Variants in ALMS1 observed in about 807,000 individuals in gnomAD.
ALMS1 encodes centrosome-associated protein ALMS1.
Under a neutral mutation model 352.2 loss-of-function variants are expected in ALMS1, and 271 were observed. That is an observed-to-expected ratio of 0.77 (90% CI 0.70 to 0.85). The LOEUF is 0.85. ALMS1 is among the 40% of genes least tolerant of loss of function. The pLI is 0.00. For missense variants in ALMS1, 5,445 were observed against 4,870.7 expected (o/e 1.12, Z -3.51); for synonymous variants, 1,865 against 1,761.2 (o/e 1.06, Z -1.48).
chr2:73,389,898 C>T (rs566794774), intron 1 of ALMS1, among the ~76,000 whole-genome samples: 3 of 152,182 alleles, frequency 2.0e-5, no homozygotes, highest in East Asian at 1.9e-4. Flanking sequence ...CCATGTTGGC[C>T]AGGCTGGTCT....
chr2:73,600,518 C>T (rs1269736746), intron 17 of ALMS1, among the ~76,000 whole-genome samples, 160 bp from the exon 18 acceptor site: 6 of 152,166 alleles, frequency 3.9e-5, no homozygotes, highest in Non-Finnish European at 8.8e-5. Flanking sequence ...TCCTACTCTC[C>T]CCTGTCCTTC....
rs1309862623 is a variant in ALMS1 at position 73,450,029 on chromosome 2, G to A, written c.3502G>A (p.Ala1168Thr). ...ALPGTHIPEE[A>T]QKVSAVTGPG... ...GCCAGGTACTCATATACCTGAAGAG[G>A]CTCAGAAAGTTTCAGCTGTTACTGG... The change falls in exon 8 of 23, where the codon GCT becomes ACT. Residue 1168 changes from alanine to threonine, a missense_variant. Coordinates refer to ENST00000613296, the MANE Select transcript of ALMS1 (RefSeq NM_001378454.1). 2 of 1,613,722 alleles carry A rather than the reference G, an allele frequency of 1.2e-6. No individual in the cohort carries two copies. Among genetic ancestry groups the A allele is most frequent in the South Asian group, 2.2e-5 (2 of 91,064 alleles).
intron 12 of ALMS1, among the ~76,000 whole-genome samples, chr2:73,535,598 C>G (rs1674011260): frequency 6.6e-6 from 1 of 152,180 alleles, no homozygotes; most frequent in Non-Finnish European, 1.5e-5. Flanking sequence ...TGACCTTGAG[C>G]TAGTAGTTTA....
intron 7 of ALMS1, among the ~76,000 whole-genome samples, chr2:73,442,334 C>T (rs6746971): frequency 0.57 from 86,389 of 151,794 alleles, 25,912 homozygotes; most frequent in East Asian, 0.77. Context: ...TTAATCTGAC[C>T]TATGATGATG....
chr2:73,475,347 G>A (rs1490213878), intron 9 of ALMS1, among the ~76,000 whole-genome samples: 2 of 152,074 alleles, frequency 1.3e-5, no homozygotes, highest in Non-Finnish European at 2.9e-5. Context: ...ATTCCCATGA[G>A]CAGTATATGA....
chr2:73,449,371 A>G lies in ALMS1; in HGVS notation c.2844A>G (p.Pro948=), dbSNP rs2103776713. 6.2e-7 allele frequency: 1 copy of G among 1,614,140 alleles called. No individual in the cohort carries two copies. Among genetic ancestry groups the G allele is most frequent in the Non-Finnish European group, 8.5e-7 (1 of 1,179,986 alleles). Residue 948 remains proline, a synonymous_variant, in exon 8 of 23, where the codon CCA becomes CCG. Coordinates refer to ENST00000613296, the MANE Select transcript of ALMS1 (RefSeq NM_001378454.1). The part of the protein sequence containing the change: ...SVLAAQKTGT[P]TVSSNSHSHS... ...TGGCTGCCCAGAAGACTGGGACACC[A>G]ACAGTGTCCTCTAATTCTCACTCAC...
Position 73,489,771 on chromosome 2 carries a change from C to T in ALMS1, c.7812C>T (p.Phe2604=). 2 of 1,614,158 alleles carry T rather than the reference C, an allele frequency of 1.2e-6. No homozygotes were observed. The highest frequency in any genetic ancestry group is 1.7e-6 in the Non-Finnish European group (2 of 1,180,028). Reference sequence around the variant, plus strand: ...AACTAGATAGACACCCTTGTGCTTTCAGATCTGCTGGACCCTCAGAAATGA... The same window carrying T: ...AACTAGATAGACACCCTTGTGCTTTTAGATCTGCTGGACCCTCAGAAATGA... ...HPQLDRHPCA[F]RSAGPSEMTR... Residue 2604 remains phenylalanine, a synonymous_variant, in exon 10 of 23, where the codon TTC becomes TTT. Coordinates refer to ENST00000613296, the MANE Select transcript of ALMS1 (RefSeq NM_001378454.1).
At position 73,573,081 on chromosome 2, in the gene ALMS1, C is replaced by A. The variant is rs367877017; in HGVS notation, c.11204C>A (p.Ser3735Ter). 7 of 1,614,032 alleles carry A rather than the reference C, an allele frequency of 4.3e-6. No individual in the cohort carries two copies. The highest frequency in any genetic ancestry group is 5.9e-6 in the Non-Finnish European group (7 of 1,179,992). Residue 3735 changes from serine (S) to a stop codon, truncating the protein, a stop_gained, in exon 16 of 23, where the codon TCG (serine) becomes TAG (stop). Coordinates refer to ENST00000613296, the MANE Select transcript of ALMS1 (RefSeq NM_001378454.1). LOFTEE classifies it high-confidence loss of function. ...PGFNYISNTSSDCRPSEESEL... is the reference protein window; with the variant it reads ...PGFNYISNTS The stretch of plus-strand genomic sequence containing the variant: ...TTTAATTATATAAGCAACACTTCTT[C>A]GGATTGTCGGCCCTCAGAGGAGAGT...
chr2:73,501,501 C>T (rs1673217738), intron 10 of ALMS1, among the ~76,000 whole-genome samples: 1 of 151,970 alleles, frequency 6.6e-6, no homozygotes, highest in South Asian at 2.1e-4. Context: ...GTAAGTTATG[C>T]AGTTGAGGAT....
Position 73,522,688 on chromosome 2 carries a change from C to T in ALMS1, c.9781+2672C>T, listed in dbSNP as rs566058191. On this transcript the variant is annotated intron_variant, in intron 11 of 22. Transcript: ENST00000613296. The stretch of plus-strand genomic sequence containing the variant: ...TTCACCATGTTGGCCAGGATGATCT[C>T]GATCTCTTGACCTTGTGATCCGCCC... 7.9e-5 allele frequency among the ~76,000 whole-genome samples: 12 copies of T among 152,142 alleles called. No homozygotes were observed. The East Asian group carries it at 1.7e-3, about 22-fold the overall frequency.
Position 73,386,125 on chromosome 2 carries a change from G to A in ALMS1, c.257G>A (p.Arg86Lys), listed in dbSNP as rs1324273485. The A allele has an allele frequency of 6.3e-7, 1 of 1,575,884 alleles. No homozygotes were observed. The highest frequency in any genetic ancestry group is 8.6e-7 in the Non-Finnish European group (1 of 1,161,554). The part of the protein sequence containing the change: ...AKAWLQAHPG[R>K]ILPPLSPPQH... ...GCCTGGCTGCAGGCGCACCCCGGCA[G>A]GATTTTGCCTCCGCTGTCGCCCCCG... Residue 86 changes from arginine to lysine, a missense_variant, in exon 1 of 23, where the codon AGG becomes AAG. Physicochemically the swap from Arg to Lys is conservative, Grantham distance 26. Coordinates refer to ENST00000613296, the MANE Select transcript of ALMS1 (RefSeq NM_001378454.1).
intron 12 of ALMS1, among the ~76,000 whole-genome samples, chr2:73,542,315 A>G (rs1433737996): frequency 1.3e-5 from 2 of 152,236 alleles, no homozygotes; most frequent in African/African-American, 2.4e-5. Flanking sequence ...ACAAAATTCA[A>G]CAACCCTTCA....
intron 11 of ALMS1, among the ~76,000 whole-genome samples, chr2:73,528,486 C>G (rs947367078): frequency 1.3e-5 from 2 of 152,116 alleles, no homozygotes; most frequent in Non-Finnish European, 2.9e-5. Flanking sequence ...TGACCTTTGT[C>G]TGTTTTTATA....
chr2:73,585,832 A>G, intron 16 of ALMS1, among the ~76,000 whole-genome samples: 1 of 144,478 alleles, frequency 6.9e-6, no homozygotes, highest in Non-Finnish European at 1.5e-5. Flanking sequence ...GGGTTCAAGC[A>G]GTTCTTCTGC....
intron 14 of ALMS1, 45 bp downstream of exon 14, chr2:73,557,399 T>C (rs747796622): frequency 1.1e-5 from 18 of 1,612,104 alleles, no homozygotes; most frequent in South Asian, 4.4e-5. Flanking sequence ...TCTGGTCTTC[T>C]AAAATGAGAC....
chr2:73,543,580 A>G (rs1051196812), intron 12 of ALMS1, among the ~76,000 whole-genome samples: 2 of 152,358 alleles, frequency 1.3e-5, no homozygotes, highest in African/African-American at 2.4e-5. Flanking sequence ...TGAACAGGCA[A>G]CCTACAGAAT....
At chr2:73,393,815 C>G (rs965055124) in intron 1 of ALMS1, among the ~76,000 whole-genome samples, 4 of 150,992 alleles carry the variant, frequency 2.6e-5, no homozygotes, top group Non-Finnish European at 5.9e-5. Context: ...TTCCAGGAAA[C>G]ACTTTTTTTT....
At chr2:73,389,261 T>G (rs1048362831) in intron 1 of ALMS1, among the ~76,000 whole-genome samples, 2 of 152,184 alleles carry the variant, frequency 1.3e-5, no homozygotes, top group Non-Finnish European at 2.9e-5. Context: ...CTGTTCAGTC[T>G]TTTGCCCGCT....
intron 12 of ALMS1, among the ~76,000 whole-genome samples, chr2:73,542,811 T>C (rs1399077449): frequency 1.3e-5 from 2 of 151,846 alleles, no homozygotes; most frequent in Admixed American, 6.6e-5. Flanking sequence ...TTACAAGGGA[T>C]GTGAAGGACC....
Sources: gnomAD v4.1 joint callset for allele counts (sites outside exome capture counted in the v4.1 genomes callset) on GRCh38, gnomAD v4.1.1 for gene constraint, MANE v1.5 for transcripts, NCBI Gene and HGNC (gene_info 2026-07-23, HGNC 2026-07-21) for gene names.